The following TOM1L2 variants were observed in gnomAD, a reference collection of about 807,000 sequenced individuals.
The protein encoded by TOM1L2 is TOM1-like protein 2.
Under a neutral mutation model 67.9 loss-of-function variants are expected in TOM1L2, and 31 were observed. The observed-to-expected ratio is 0.46, with a 90% CI of 0.34 to 0.62. TOM1L2 has a LOEUF of 0.62. TOM1L2 is among the 20% of genes least tolerant of loss of function. The pLI is 0.01. For missense variants in TOM1L2, 606 were observed against 663.5 expected (o/e 0.91, Z 0.95); for synonymous variants, 256 against 254.0 (o/e 1.01, Z -0.07).
chr17:17,905,591 T>A (rs2039055995), intron 2 of TOM1L2, among the ~76,000 whole-genome samples: 1 of 152,214 alleles, frequency 6.6e-6, no homozygotes, highest in African/African-American at 2.4e-5. Context: ...CAGGCTAGAA[T>A]GCAGTGACAC....
At chr17:17,931,728 A>C (rs1418540963) in intron 1 of TOM1L2, among the ~76,000 whole-genome samples, 2 of 152,356 alleles carry the variant, frequency 1.3e-5, no homozygotes, top group Middle Eastern at 3.4e-3. Context: ...TTCATGCCAG[A>C]TCCAGGTTCA....
chr17:17,924,999 A>G (rs546010016), intron 1 of TOM1L2, among the ~76,000 whole-genome samples: 1 of 152,212 alleles, frequency 6.6e-6, no homozygotes, highest in East Asian at 1.9e-4. Context: ...CTGGTCAGTT[A>G]AAAGTGTGTG....
chr17:17,912,279 G>A (rs1166749023), intron 1 of TOM1L2, among the ~76,000 whole-genome samples: 1 of 151,310 alleles, frequency 6.6e-6, no homozygotes, highest in African/African-American at 2.4e-5. Context: ...TGGCCGGGCG[G>A]GGGGCTGACC....
At chr17:17,864,025 C>T (rs942998697) in intron 10 of TOM1L2, among the ~76,000 whole-genome samples, 4 of 151,248 alleles carry the variant, frequency 2.6e-5, no homozygotes, top group Non-Finnish European at 5.9e-5. Flanking sequence ...TGCCACCACT[C>T]GCAGCTAATT....
At chr17:17,956,929 G>A (rs964356092) in intron 1 of TOM1L2, among the ~76,000 whole-genome samples, 3 of 152,242 alleles carry the variant, frequency 2.0e-5, no homozygotes, top group Admixed American at 2.0e-4. Flanking sequence ...CAGTGCAGCG[G>A]CGGGCTGAAG....
chr17:17,898,580 G>A lies in TOM1L2; in HGVS notation c.216+16C>T. On this transcript the variant is annotated intron_variant, in intron 3 of 14. Transcript: ENST00000379504. ...TTCCCCAGATGACTTCTCTCCTCAA[G>A]GAGAATAGCACTCACTGTTAATGCC... is the stretch of plus-strand genomic sequence containing the variant. 6.2e-7 allele frequency: 1 copy of A among 1,613,892 alleles called. No individual in the cohort carries two copies. Among genetic ancestry groups the A allele is most frequent in the Non-Finnish European group, 8.5e-7 (1 of 1,179,784 alleles).
rs536583333 is a variant in TOM1L2, at chr17:17,871,239, C to T, written c.778-1766G>A. Among the ~76,000 whole-genome samples the T allele has an allele frequency of 5.9e-4, 90 of 152,124 alleles. 1 individual carries two copies. Among genetic ancestry groups the T allele is most frequent in the Admixed American group, 2.5e-3 (38 of 15,288 alleles). On this transcript the variant is annotated intron_variant, in intron 7 of 14. Coordinates refer to ENST00000379504, the MANE Select transcript of TOM1L2 (RefSeq NM_001082968.2). ...CAAAAAATTAGCCGGGCGTTGGTGG[C>T]GGGCACCTGTAGTCCCAGCTACTTG...
At chr17:17,872,638 C>T (rs1190825190) in intron 7 of TOM1L2, among the ~76,000 whole-genome samples, 1 of 152,240 alleles carries the variant, frequency 6.6e-6, no homozygotes, top group African/African-American at 2.4e-5. Flanking sequence ...GGTCTCCTCC[C>T]CAGGGATGTG....
intron 1 of TOM1L2, among the ~76,000 whole-genome samples, chr17:17,951,631 C>T (rs73979243): frequency 0.024 from 3,624 of 152,212 alleles, 129 homozygotes; most frequent in African/African-American, 0.072. Flanking sequence ...TTTCAAGAAA[C>T]GTAAAGGTCT....
At chr17:17,867,008 A>G in intron 8 of TOM1L2, 84 bp from the exon 9 acceptor site, 1 of 1,349,548 alleles carries the variant, frequency 7.4e-7, no homozygotes, top group African/African-American at 1.4e-5. Flanking sequence ...CCTATGAAGA[A>G]TCCCTGGGAC....
intron 1 of TOM1L2, among the ~76,000 whole-genome samples, chr17:17,929,996 A>C (rs897771432): frequency 6.6e-6 from 1 of 152,236 alleles, no homozygotes; most frequent in Non-Finnish European, 1.5e-5. Context: ...TATGAAGACC[A>C]CTAGCAGAGA....
rs758083495 is a variant in TOM1L2, at chr17:17,869,321, A to AG, written c.911+18_911+19insC. 2.2e-5 allele frequency: 36 copies of AG among 1,607,426 alleles called. No homozygotes were observed. The East Asian group carries it at 5.6e-4, about 25-fold the overall frequency. ...ATCTTTTCAAGGGAAAAAAAAAAAA[A>AG]AAGAAATCCGGCTCCCACCTCTCGT... On this transcript the variant is annotated intron_variant, in intron 8 of 14. Transcript: ENST00000379504.
chr17:17,971,581 G>T (rs2042087988), intron 1 of TOM1L2, among the ~76,000 whole-genome samples: 2 of 151,668 alleles, frequency 1.3e-5, no homozygotes, highest in South Asian at 4.1e-4. Flanking sequence ...GAGGGTTGCT[G>T]GTACCGAAGA....
Position 17,920,587 on chromosome 17 carries a change from C to T in TOM1L2, c.53-13056G>A, listed in dbSNP as rs544469525. 3.3e-5 allele frequency among the ~76,000 whole-genome samples: 5 copies of T among 151,602 alleles called. No homozygotes were observed. In the East Asian group the frequency reaches 9.7e-4, roughly 29 times the overall value. On this transcript the variant is annotated intron_variant, in intron 1 of 14. Transcript: ENST00000379504. ...ACTCCTGACCTCGTGATCCACCCGC[C>T]TTGGCCTCCCAAAGTTCTGGGATTA... is the stretch of plus-strand genomic sequence containing the variant.
chr17:17,964,469 A>G (rs892955110), intron 1 of TOM1L2, among the ~76,000 whole-genome samples: 5 of 152,270 alleles, frequency 3.3e-5, no homozygotes, highest in African/African-American at 1.2e-4. Context: ...GTGAAATACA[A>G]AAGTATTCCA....
intron 7 of TOM1L2, among the ~76,000 whole-genome samples, chr17:17,872,759 A>G (rs1011124532): frequency 1.3e-5 from 2 of 152,246 alleles, no homozygotes; most frequent in African/African-American, 4.8e-5. Flanking sequence ...CTCAAGTCCC[A>G]GCTCAGGACC....
chr17:17,956,235 G>C (rs902118758), intron 1 of TOM1L2, among the ~76,000 whole-genome samples: 2 of 152,216 alleles, frequency 1.3e-5, no homozygotes, highest in African/African-American at 4.8e-5. Flanking sequence ...ACAGGGTGCT[G>C]ATTGGTGCGT....
At chr17:17,853,559 T>C (rs982374839) in intron 12 of TOM1L2, among the ~76,000 whole-genome samples, 1 of 152,224 alleles carries the variant, frequency 6.6e-6, no homozygotes, top group African/African-American at 2.4e-5. Flanking sequence ...CAAAAATAAC[T>C]TCCCAAAAGC....
chr17:17,881,434 A>G (rs2037717514), intron 6 of TOM1L2, among the ~76,000 whole-genome samples: 1 of 152,154 alleles, frequency 6.6e-6, no homozygotes, highest in South Asian at 2.1e-4. Context: ...GGCTACTAGG[A>G]GGGCCTTCCC....
Sources: allele counts gnomAD v4.1 joint callset (sites outside exome capture counted in the v4.1 genomes callset), GRCh38; gene constraint gnomAD v4.1.1; transcripts MANE v1.5; gene names NCBI Gene and HGNC (gene_info 2026-07-23, HGNC 2026-07-21).